The following RABIF variants were observed in gnomAD, a reference collection of about 807,000 sequenced individuals.
RABIF encodes the protein RAB interacting factor, also known as guanine nucleotide exchange factor MSS4.
RABIF carries 13 observed loss-of-function variants against 12.3 expected under a neutral mutation model. The observed-to-expected ratio is 1.06, with a 90% CI of 0.69 to 1.68. The LOEUF (loss-of-function observed/expected upper bound fraction) is 1.68. RABIF is among the 40% of genes most tolerant of loss of function. The pLI is 0.00. For synonymous variants in RABIF, 70 were observed against 63.3 expected (o/e 1.11, Z -0.50); for missense variants, 153 against 158.0 (o/e 0.97, Z 0.17).
Position 202,889,068 on chromosome 1 carries a change from C to G in RABIF, c.31G>C (p.Val11Leu). Reference sequence around the variant, plus strand: ...TTCCGGTTTCGGCCCTCGGCTGACACTAACTCGCTCGGCTGCTCCGCTGGT... The same window carrying G: ...TTCCGGTTTCGGCCCTCGGCTGACAGTAACTCGCTCGGCTGCTCCGCTGGT... MEPAEQPSEL[V>L]SAEGRNRKAV... The change falls in exon 1 of 2, where the codon GTG becomes CTG. Residue 11 changes from valine to leucine, a missense_variant. Val to Leu is a conservative substitution (Grantham distance 32). Transcript: ENST00000367262. The G allele has an allele frequency of 6.2e-7, 1 of 1,611,030 alleles. No homozygotes were observed. Among genetic ancestry groups the G allele is most frequent in the Non-Finnish European group, 8.5e-7 (1 of 1,178,944 alleles).
intron 1 of RABIF, among the ~76,000 whole-genome samples, chr1:202,883,300 G>C (rs2102396294): frequency 6.6e-6 from 1 of 152,224 alleles, no homozygotes; most frequent in South Asian, 2.1e-4. Context: ...CCAAGTAACT[G>C]GGGTTACAGT....
chr1:202,887,333 T>C (rs540531518), intron 1 of RABIF, among the ~76,000 whole-genome samples: 3 of 151,778 alleles, frequency 2.0e-5, no homozygotes, highest in African/African-American at 7.3e-5. Flanking sequence ...TCTTAAAACA[T>C]TATGAAAAAT....
intron 1 of RABIF, among the ~76,000 whole-genome samples, chr1:202,881,793 C>T (rs1279948680): frequency 6.6e-6 from 1 of 152,166 alleles, no homozygotes; most frequent in Admixed American, 6.5e-5. Context: ...CCTAGTTTCC[C>T]CGGCTCATTA....
Position 202,879,376 on chromosome 1 carries a change from T to TCTCA in RABIF, c.*1598_*1601dup, listed in dbSNP as rs1659454883. On this transcript the variant is annotated 3_prime_UTR_variant, in exon 2 of 2. Coordinates refer to ENST00000367262, the MANE Select transcript of RABIF (RefSeq NM_002871.5). Reference sequence around the variant, plus strand: ...GTTCATTTTTTAAATAGAGATGGGGTCTCACTATGTTGCCCAGGCTAGTCT... The same window carrying TCTCA: ...GTTCATTTTTTAAATAGAGATGGGGTCTCACTCACTATGTTGCCCAGGCTAGTCT... 6.6e-6 allele frequency: 1 copy of TCTCA among 152,210 alleles called. No individual in the cohort carries two copies. The allele number at this position is 152,210 out of a possible 1,614,324, so 9.4% of individuals were successfully genotyped here.
intron 1 of RABIF, among the ~76,000 whole-genome samples, chr1:202,881,687 GT>G (rs1393812203): frequency 6.6e-6 from 1 of 152,210 alleles, no homozygotes; most frequent in African/African-American, 2.4e-5. Context: ...GATTATAGGC[GT>G]GAGCCTGATT....
Position 202,881,144 on chromosome 1 carries a change from C to T in RABIF, c.206G>A (p.Trp69Ter), listed in dbSNP as rs776557864. ...AAAAATGAACATGTCCTCAACCAGC[C>T]AGTGTTCCTGGAGGAGATCGCCGTC... ...NPDGDLLQEH[W>*]LVEDMFIFEN... is the part of the protein sequence containing the mutation. Residue 69 changes from tryptophan (W) to a stop codon, truncating the protein, a stop_gained, in exon 2 of 2, where the codon TGG (tryptophan) becomes TAG (stop). Coordinates refer to ENST00000367262, the MANE Select transcript of RABIF (RefSeq NM_002871.5). LOFTEE classifies it high-confidence loss of function. The T allele has an allele frequency of 4.3e-6, 7 of 1,614,070 alleles. No individual in the cohort carries two copies. The highest frequency in any genetic ancestry group is 1.3e-5 in the African/African-American group (1 of 74,904).
At chr1:202,882,047 A>G (rs899122046) in intron 1 of RABIF, among the ~76,000 whole-genome samples, 1 of 152,248 alleles carries the variant, frequency 6.6e-6, no homozygotes, top group African/African-American at 2.4e-5. Context: ...TAGCTTGGGC[A>G]ACATAATGAG....
rs1659609688 is a variant in RABIF at position 202,889,012 on chromosome 1, C to G, written c.87G>C (p.Arg29=). The change falls in exon 1 of 2, where the codon CGG becomes CGC. Residue 29 remains arginine (R), a synonymous_variant. Transcript: ENST00000367262. ...AGAGAGCGGTCCCTGGCTGCAGCAC[C>G]CGGGAGCCGCAACGCTGGCACAGCA... ...KAVLCQRCGS[R]VLQPGTALFS... is the part of the protein sequence containing the mutation. 6.3e-7 allele frequency: 1 copy of G among 1,597,738 alleles called. No individual in the cohort carries two copies. Among genetic ancestry groups the G allele is most frequent in the Admixed American group, 1.8e-5 (1 of 56,910 alleles).
chr1:202,888,882 C>G, intron 1 of RABIF, 91 bp downstream of exon 1: 1 of 1,419,058 alleles, frequency 7.0e-7, no homozygotes, highest in Non-Finnish European at 9.2e-7. Flanking sequence ...GCGCGGTTGC[C>G]GGAAATTGAA....
intron 1 of RABIF, among the ~76,000 whole-genome samples, chr1:202,887,018 G>A (rs10920515): frequency 0.25 from 34,859 of 140,090 alleles, 4,666 homozygotes; most frequent in East Asian, 0.58. Context: ...TACAGGTGTG[G>A]GCTATGTTTT....
In RABIF at chr1:202,881,102, G is replaced by A. The variant is rs970592095; in HGVS notation, c.248C>T (p.Thr83Ile). 4 of 1,614,050 alleles carry A rather than the reference G, an allele frequency of 2.5e-6. No homozygotes were observed. The highest frequency in any genetic ancestry group is 1.3e-5 in the African/African-American group (1 of 74,918). Residue 83 changes from threonine to isoleucine, a missense_variant, in exon 2 of 2, where the codon ACC becomes ATC. Around this residue, in one of 2 missense-constraint regions of RABIF, gnomAD observed 40 missense variants for 67.1 expected, o/e 0.60. Transcript: ENST00000367262. ...DMFIFENVGF[T>I]KDVGNIKFLV... ...AAACTTGATGTTGCCCACGTCCTTG[G>A]TGAAGCCCACATTCTCAAAAATGAA...
chr1:202,887,584 G>A (rs1022889638), intron 1 of RABIF, among the ~76,000 whole-genome samples: 2 of 151,174 alleles, frequency 1.3e-5, no homozygotes, highest in Admixed American at 1.3e-4. Context: ...TACAACCTCG[G>A]CTTCCCAGGT....
At chr1:202,886,779 G>C (rs1174395212) in intron 1 of RABIF, among the ~76,000 whole-genome samples, 1 of 146,160 alleles carries the variant, frequency 6.8e-6, no homozygotes, top group Non-Finnish European at 1.5e-5. Context: ...GTCTCGCTCT[G>C]TCACTCAGGC....
rs375442765 is a variant in RABIF at position 202,881,163 on chromosome 1, C to T, written c.187G>A (p.Asp63Asn). 65 of 1,614,112 alleles carry T rather than the reference C, an allele frequency of 4.0e-5. No homozygotes were observed. The highest frequency in any genetic ancestry group is 6.7e-5 in the Admixed American group (4 of 60,016). The change falls in exon 2 of 2, where the codon GAT (aspartate) becomes AAT (asparagine). Residue 63 changes from aspartate (D) to asparagine (N), a missense_variant. Physicochemically the swap from Asp to Asn is conservative, Grantham distance 23. Transcript: ENST00000367262. Reference protein sequence around the residue: ...ALSDGSNPDGDLLQEHWLVED... With the variant: ...ALSDGSNPDGNLLQEHWLVED... Reference sequence around the variant, plus strand: ...ACCAGCCAGTGTTCCTGGAGGAGATCGCCGTCAGGATTGCTGCCGTCAGAC... The same window carrying T: ...ACCAGCCAGTGTTCCTGGAGGAGATTGCCGTCAGGATTGCTGCCGTCAGAC...
rs557922383 is a variant in RABIF at position 202,881,094 on chromosome 1, C to T, written c.256G>A (p.Val86Met). The change falls in exon 2 of 2, where the codon GTG becomes ATG. Residue 86 changes from valine to methionine, a missense_variant. Val to Met is a conservative substitution (Grantham distance 21). This residue lies in a region of RABIF where 40 missense variants were observed against 67.1 expected (regional missense o/e 0.60). Transcript: ENST00000367262. ...CAGACCAGAAACTTGATGTTGCCCA[C>T]GTCCTTGGTGAAGCCCACATTCTCA... ...IFENVGFTKD[V>M]GNIKFLVCAD... The T allele has an allele frequency of 6.8e-6, 11 of 1,614,156 alleles. No homozygotes were observed. The highest frequency in any genetic ancestry group is 5.3e-5 in the African/African-American group (4 of 75,016).
chr1:202,881,324 G>C, intron 1 of RABIF, 101 bp from the exon 2 acceptor site: 1 of 1,452,082 alleles, frequency 6.9e-7, no homozygotes, highest in Non-Finnish European at 9.1e-7. Flanking sequence ...TAGCAGGAAT[G>C]ACAAAAAAAG....
intron 1 of RABIF, among the ~76,000 whole-genome samples, chr1:202,882,422 G>A (rs1431010525): frequency 6.6e-6 from 1 of 152,080 alleles, no homozygotes; most frequent in Non-Finnish European, 1.5e-5. Flanking sequence ...TGGGTATGGT[G>A]GCAAGTGTCC....
chr1:202,878,820 GAAGA>G lies in RABIF; in HGVS notation c.*2154_*2157del, dbSNP rs1659447442. 1 of 152,210 alleles carries G rather than the reference GAAGA, an allele frequency of 6.6e-6. No homozygotes were observed. The highest frequency in any genetic ancestry group is 1.5e-5 in the Non-Finnish European group (1 of 68,036). The allele number at this position is 152,210 out of a possible 1,614,324, so 9.4% of individuals were successfully genotyped here. A position where few individuals can be genotyped will look rare whatever the true frequency, so the allele number is the denominator to read the frequency against. On this transcript the variant is annotated 3_prime_UTR_variant, in exon 2 of 2. Coordinates refer to ENST00000367262, the MANE Select transcript of RABIF (RefSeq NM_002871.5). ...AGAGCCTATTAGGTGTGAGGGAAAT[GAAGA>G]AATGACGTTTGCATTTTATAGCTGA...
chr1:202,885,064 GCAA>G (rs1282919185), intron 1 of RABIF, among the ~76,000 whole-genome samples: 1 of 140,796 alleles, frequency 7.1e-6, no homozygotes, highest in African/African-American at 2.8e-5. Context: ...TCCAGCCTGG[GCAA>G]CAGAGTGAGA....
Sources: gnomAD v4.1 joint callset for allele counts (sites outside exome capture counted in the v4.1 genomes callset) on GRCh38, gnomAD v4.1.1 for gene constraint, gnomAD v4.1.1 regional missense constraint, MANE v1.5 for transcripts, NCBI Gene and HGNC (gene_info 2026-07-23, HGNC 2026-07-21) for gene names.